SLC35B1: variants seen among roughly 807,000 people sequenced by gnomAD.
SLC35B1 encodes ATP/ADP exchanger ER.
SLC35B1 carries 27 observed loss-of-function variants against 36.6 expected under a neutral mutation model. The observed-to-expected ratio is 0.74, with a 90% CI of 0.54 to 1.02. The LOEUF (loss-of-function observed/expected upper bound fraction) is 1.02, where lower values mean the gene tolerates loss of function less well. SLC35B1 is among the 50% of genes least tolerant of loss of function. The probability of loss-of-function intolerance (pLI) is 0.00; values close to 1 mark genes in which losing one functional copy is unlikely to be tolerated. For synonymous variants in SLC35B1, 162 were observed against 152.5 expected, an observed-to-expected ratio of 1.06 and a Z score of -0.46; for missense variants, 321 against 383.2, an observed-to-expected ratio of 0.84 and a Z score of 1.35.
intron 5 of SLC35B1, among the ~76,000 whole-genome samples, chr17:49,704,624 C>A (rs1204836043): frequency 2.0e-5 from 3 of 152,176 alleles, no homozygotes; most frequent in Non-Finnish European, 4.4e-5. Flanking sequence ...CTTCAAATAG[C>A]CAAGTGACCA....
chr17:49,705,940 G>C (rs756434528), intron 3 of SLC35B1, 44 bp from the exon 4 acceptor site: 46 of 1,594,536 alleles, frequency 2.9e-5, no homozygotes, highest in Non-Finnish European at 3.9e-5. Context: ...TCTGTGATGT[G>C]TCAGGTACTA....
chr17:49,701,600 C>G (rs1453622725), intron 8 of SLC35B1, 90 bp from the exon 9 acceptor site: 18 of 993,906 alleles, frequency 1.8e-5, no homozygotes, highest in South Asian at 1.0e-4. Context: ...GGCCTTGTAT[C>G]TCCAAAATGG....
Position 49,704,327 on chromosome 17 carries a change from G to A in SLC35B1, c.529-101C>T, listed in dbSNP as rs1336009629. Reference sequence around the variant, plus strand: ...CTCTCAGGCTCCTTGGAAAGCCACTGCCTTTAAAGTCCTCAGAACAAAACG... The same window carrying A: ...CTCTCAGGCTCCTTGGAAAGCCACTACCTTTAAAGTCCTCAGAACAAAACG... On this transcript the variant is annotated intron_variant, in intron 5 of 8. Transcript: ENST00000240333. 11 of 1,421,702 alleles carry A rather than the reference G, an allele frequency of 7.7e-6. No individual in the cohort carries two copies. In the Admixed American group the frequency reaches 2.2e-4, roughly 28 times the overall value. The allele number at this position is 1,421,702 out of a possible 1,614,324, so 88.1% of individuals were successfully genotyped here.
chr17:49,702,759 A>G (rs1401710110), intron 8 of SLC35B1, 99 bp downstream of exon 8: 1 of 1,363,410 alleles, frequency 7.3e-7, no homozygotes, highest in African/African-American at 1.5e-5. Flanking sequence ...AAAAAAGAGA[A>G]AAGTTTTCTC....
intron 1 of SLC35B1, 67 bp downstream of exon 1, chr17:49,707,663 G>A: frequency 1.9e-6 from 3 of 1,548,486 alleles, no homozygotes; most frequent in Non-Finnish European, 2.6e-6. Flanking sequence ...GGGTCCAGAG[G>A]CAGAAGGCCC....
In SLC35B1 at chr17:49,703,243, T is replaced by C. The variant is rs2073373582; in HGVS notation, c.707A>G (p.Tyr236Cys). 1 of 1,613,928 alleles carries C rather than the reference T, an allele frequency of 6.2e-7. No individual in the cohort carries two copies. Among genetic ancestry groups the C allele is most frequent in the Non-Finnish European group, 8.5e-7 (1 of 1,179,950 alleles). Residue 236 changes from tyrosine to cysteine, a missense_variant, in exon 7 of 9, where the codon TAC becomes TGC. Tyr to Cys is a radical substitution (Grantham distance 194, BLOSUM62 -2). Coordinates refer to ENST00000240333, the MANE Select transcript of SLC35B1 (RefSeq NM_005827.4). ...CAGGATGTTATAGATGATGGCAGGGTACCTTTCAGCAAAGCTCAAGAACTC... is the reference window on the plus strand; with the variant it reads ...CAGGATGTTATAGATGATGGCAGGGCACCTTTCAGCAAAGCTCAAGAACTC... ...LWEFLSFAER[Y>C]PAIIYNILLF... is the part of the protein sequence containing the mutation.
chr17:49,705,786 G>A, intron 4 of SLC35B1, 80 bp downstream of exon 4: 3 of 1,387,526 alleles, frequency 2.2e-6, no homozygotes, highest in African/African-American at 1.4e-5. Flanking sequence ...ATGAAGCCGA[G>A]AGGGACACAG....
At chr17:49,708,196 C>G, upstream of SLC35B1, 1 of 608,546 alleles carries the variant, frequency 1.6e-6, no homozygotes, top group Non-Finnish European at 2.9e-6. Context: ...ACAGGGTGTC[C>G]TAGAGCCACC....
chr17:49,703,354 A>G (rs200689359), intron 6 of SLC35B1, 60 bp from the exon 7 acceptor site: 56,386 of 744,868 alleles, frequency 0.076, 1,933 homozygotes, highest in African/African-American at 0.2. Flanking sequence ...GTGCGCACAC[A>G]CACACACACA....
At chr17:49,708,135 G>A, upstream of SLC35B1, 1 of 700,044 alleles carries the variant, frequency 1.4e-6, no homozygotes, top group Non-Finnish European at 2.6e-6. Context: ...CCCTCGCCCT[G>A]GAGATTTTTC....
chr17:49,708,029 T>A (rs1396784462), upstream of SLC35B1: 37 of 1,228,294 alleles, frequency 3.0e-5, no homozygotes, highest in East Asian at 9.4e-4. Flanking sequence ...GGGAAACTCC[T>A]CAGAACCCAG....
At chr17:49,707,995 A>C, upstream of SLC35B1, 1 of 1,465,118 alleles carries the variant, frequency 6.8e-7, no homozygotes, top group African/African-American at 1.4e-5. Context: ...CACTACCAGA[A>C]CTGCCGGCTC....
Position 49,705,897 on chromosome 17 carries a change from C to G in SLC35B1, c.340-1G>C, listed in dbSNP as rs768559248. ...TTGGCTTGCAGGATTTACCAAGGAC[C>G]TGAAATTAAATCCAGCAAATAATTT... is the stretch of plus-strand genomic sequence containing the variant. On this transcript the variant is annotated splice_acceptor_variant, in intron 3 of 8. Transcript: ENST00000240333. LOFTEE classifies it high-confidence loss of function. 2 of 1,613,978 alleles carry G rather than the reference C, an allele frequency of 1.2e-6. No individual in the cohort carries two copies. The highest frequency in any genetic ancestry group is 2.2e-5 in the South Asian group (2 of 91,076).
intron 3 of SLC35B1, 82 bp downstream of exon 3, chr17:49,706,122 T>TTTTAA: frequency 6.5e-6 from 8 of 1,239,642 alleles, no homozygotes; most frequent in Non-Finnish European, 8.8e-6. Context: ...TTTTTTTTTT[T>TTTTAA]AACTCACAGA....
At chr17:49,703,349 C>T (rs529014861) in intron 6 of SLC35B1, 55 bp from the exon 7 acceptor site, 1 of 7,534 alleles carries the variant, frequency 1.3e-4, no homozygotes, top group Non-Finnish European at 2.5e-4. Context: ...AAAATGTGCG[C>T]ACACACACAC....
chr17:49,705,969 T>C, intron 3 of SLC35B1, 73 bp from the exon 4 acceptor site: 1 of 1,491,852 alleles, frequency 6.7e-7, no homozygotes, highest in East Asian at 2.3e-5. Flanking sequence ...ACCGCACTGA[T>C]TAAGATGAGT....
intron 8 of SLC35B1, 67 bp from the exon 9 acceptor site, chr17:49,701,577 G>T: frequency 1.4e-6 from 2 of 1,387,920 alleles, no homozygotes; most frequent in South Asian, 1.2e-5. Context: ...GATTGTGGTG[G>T]GGTGGGGTAG....
upstream of SLC35B1, chr17:49,708,062 A>T (rs745769139): frequency 1.1e-6 from 1 of 907,506 alleles, no homozygotes; most frequent in South Asian, 1.5e-5. Flanking sequence ...AGGAAAGAAA[A>T]CCCGCCCTGG....
rs562724113 is a variant in SLC35B1 at position 49,706,256 on chromosome 17, C to T, written c.287G>A (p.Gly96Asp). 2 of 1,606,650 alleles carry T rather than the reference C, an allele frequency of 1.2e-6. No individual in the cohort carries two copies. The highest frequency in any genetic ancestry group is 4.5e-5 in the East Asian group (2 of 44,632). The change falls in exon 3 of 9, where the codon GGT becomes GAT. Residue 96 changes from glycine to aspartate, a missense_variant. By Grantham distance (94) the Gly-to-Asp change is moderately conservative. Transcript: ENST00000240333. ...LYAACSISYL[G>D]AMVSSNSALQ... ...TGCTGAATTGCTGGAGACCATGGCA[C>T]CCAGATAGGAGATAGAACAGGCAGC...
Sources: gnomAD v4.1 joint callset for allele counts (sites outside exome capture counted in the v4.1 genomes callset) on GRCh38, gnomAD v4.1.1 for gene constraint, MANE v1.5 for transcripts, NCBI Gene and HGNC (gene_info 2026-07-23, HGNC 2026-07-21) for gene names.